Variants in HNRNPK observed in about 807,000 individuals in gnomAD.
HNRNPK encodes heterogeneous nuclear ribonucleoprotein K.
In HNRNPK, 7 loss-of-function variants were observed where a neutral mutation model predicts 67.0. The observed-to-expected ratio is 0.10, with a 90% CI of 0.06 to 0.20. The LOEUF is 0.20. Among genes scored for constraint, HNRNPK ranks in the 10% least tolerant of loss-of-function variants. HNRNPK has a pLI of 1.00. For synonymous variants in HNRNPK, 213 were observed against 193.7 expected, an observed-to-expected ratio of 1.10 and a Z score of -0.83; for missense variants, 264 against 606.5, an observed-to-expected ratio of 0.44 and a Z score of 5.93.
At position 83,970,263 on chromosome 9, in the gene HNRNPK, C is replaced by A. The variant is rs751986467; in HGVS notation, c.1260G>T (p.Ser420=). 7 of 1,613,776 alleles carry A rather than the reference C, an allele frequency of 4.3e-6. No homozygotes were observed. Among genetic ancestry groups the A allele is most frequent in the Admixed American group, 1.7e-5 (1 of 60,008 alleles). Residue 420 remains serine (S), a synonymous_variant, in exon 16 of 17, where the codon TCG becomes TCT. Transcript: ENST00000376263. ...CTTCTAAAGGCTCATCAATTTTGAT[C>A]GAAGCTCCCGACTCATGACGGATTT... ...IKQIRHESGA[S]IKIDEPLEGS...
intron 9 of HNRNPK, among the ~76,000 whole-genome samples, 153 bp downstream of exon 9, chr9:83,973,133 T>C (rs538271548): frequency 6.6e-6 from 1 of 152,318 alleles, no homozygotes; most frequent in Admixed American, 6.5e-5. Context: ...TTTGACAAAA[T>C]AACATGTCTA....
In HNRNPK at chr9:83,980,169, C is replaced by T. The variant is rs1486794932; in HGVS notation, c.-124G>A. The stretch of plus-strand genomic sequence containing the variant: ...GCTCCTCACCGCGCGAGACTGCCGT[C>T]CCTCCGCTGCCGCGCCGCCTCAGCC... On this transcript the variant is annotated 5_prime_UTR_variant, in exon 1 of 17. Coordinates refer to ENST00000376263, the MANE Select transcript of HNRNPK (RefSeq NM_031263.4). 1 of 152,422 alleles carries T rather than the reference C, an allele frequency of 6.6e-6. No homozygotes were observed. Among genetic ancestry groups the T allele is most frequent in the African/African-American group, 2.4e-5 (1 of 41,464 alleles). 9.4% of individuals were successfully genotyped at this position (152,422 alleles called of 1,614,324 possible).
chr9:83,974,228 A>C (rs1456532586), intron 7 of HNRNPK, among the ~76,000 whole-genome samples: 2 of 152,012 alleles, frequency 1.3e-5, no homozygotes, highest in African/African-American at 4.8e-5. Flanking sequence ...CAAATATTCT[A>C]ATTTTAAAAA....
intron 2 of HNRNPK, 40 bp downstream of exon 2, chr9:83,978,333 A>C: frequency 9.4e-6 from 1 of 105,916 alleles, no homozygotes; most frequent in Non-Finnish European, 1.3e-5. Context: ...GCAAGCTGTA[A>C]AAAAAAAAAA....
rs768031967 is a variant in HNRNPK at position 83,970,230 on chromosome 9, T to C, written c.1293A>G (p.Glu431=). 1 of 1,611,562 alleles carries C rather than the reference T, an allele frequency of 6.2e-7. No homozygotes were observed. Among genetic ancestry groups the C allele is most frequent in the South Asian group, 1.1e-5 (1 of 91,028 alleles). The stretch of plus-strand genomic sequence containing the variant: ...TTCCTGTAATGGTAATGATCCGATC[T>C]TCGGATCCTTCTAAAGGCTCATCAA... The part of the protein sequence containing the change: ...IKIDEPLEGS[E]DRIITITGTQ... Residue 431 remains glutamate, a synonymous_variant, in exon 16 of 17, where the codon GAA becomes GAG. Coordinates refer to ENST00000376263, the MANE Select transcript of HNRNPK (RefSeq NM_031263.4).
chr9:83,978,504 A>AT lies in HNRNPK; in HGVS notation c.-107-53dup, dbSNP rs540997221. 252 of 505,628 alleles carry AT rather than the reference A, an allele frequency of 5.0e-4. 3 individuals carry two copies. In the East Asian group the frequency reaches 0.011, roughly 22 times the overall value. 31.3% of individuals were successfully genotyped at this position (505,628 alleles called of 1,614,324 possible). A position where few individuals can be genotyped will look rare whatever the true frequency, so the allele number is the denominator to read the frequency against. On this transcript the variant is annotated intron_variant, in intron 1 of 16. Coordinates refer to ENST00000376263, the MANE Select transcript of HNRNPK (RefSeq NM_031263.4). ...TGCTTTTGTTTATTCTTATTACTGA[A>AT]TATTTGTTTCCGATCACAGTGAATA...
At chr9:83,978,937 C>G (rs1037894811) in intron 1 of HNRNPK, among the ~76,000 whole-genome samples, 74 of 152,262 alleles carry the variant, frequency 4.9e-4, no homozygotes, top group African/African-American at 1.8e-3. Context: ...AACAATCTAC[C>G]GGAGGGATAA....
At chr9:83,977,331 G>A (rs1957115825) in intron 4 of HNRNPK, among the ~76,000 whole-genome samples, 1 of 152,058 alleles carries the variant, frequency 6.6e-6, no homozygotes, top group Admixed American at 6.5e-5. Context: ...GGTAAAATAA[G>A]TCAATTAATT....
chr9:83,970,427 C>G (rs971365613), intron 15 of HNRNPK, 96 bp from the exon 16 acceptor site: 1 of 994,818 alleles, frequency 1.0e-6, no homozygotes, highest in African/African-American at 1.6e-5. Flanking sequence ...TTTATTCATT[C>G]AGAATCTTAA....
At chr9:83,976,719 T>C in intron 5 of HNRNPK, 1 of 294,062 alleles carries the variant, frequency 3.4e-6, no homozygotes, top group Non-Finnish European at 6.2e-6. Context: ...TCGCTATTTC[T>C]AATTAAGATG....
intron 1 of HNRNPK, among the ~76,000 whole-genome samples, 177 bp downstream of exon 1, chr9:83,979,976 C>T (rs1957307214): frequency 6.6e-6 from 1 of 152,198 alleles, no homozygotes; most frequent in African/African-American, 2.4e-5. Flanking sequence ...GACCACAACG[C>T]GGACTGCGGA....
In HNRNPK at chr9:83,971,263, G is replaced by T; in HGVS notation, c.1092+10C>A. On this transcript the variant is annotated intron_variant, in intron 13 of 16. Coordinates refer to ENST00000376263, the MANE Select transcript of HNRNPK (RefSeq NM_031263.4). ...CACTGATATACACACGAACAACTAT[G>T]ATACTCAACCTGTGGTTCATAAGCC... The T allele has an allele frequency of 6.4e-7, 1 of 1,552,008 alleles. No homozygotes were observed. The highest frequency in any genetic ancestry group is 8.9e-7 in the Non-Finnish European group (1 of 1,123,836).
intron 5 of HNRNPK, chr9:83,976,460 T>C (rs1332609352): frequency 6.6e-6 from 1 of 152,288 alleles, no homozygotes; most frequent in Non-Finnish European, 1.5e-5. Context: ...TCATAGGCAT[T>C]GACGAACAGT....
At position 83,972,864 on chromosome 9, in the gene HNRNPK, T is replaced by C. The variant is rs1956916112; in HGVS notation, c.625A>G (p.Ile209Val). 1 of 1,604,788 alleles carries C rather than the reference T, an allele frequency of 6.2e-7. No homozygotes were observed. Among genetic ancestry groups the C allele is most frequent in the African/African-American group, 1.3e-5 (1 of 74,554 alleles). The change falls in exon 10 of 17, where the codon ATC (isoleucine) becomes GTC (valine). Residue 209 changes from isoleucine to valine, a missense_variant. Transcript: ENST00000376263. ...PDRVVECIKI[I>V]LDLISESPIK... ...AGTACCTCAGATATAAGATCAAGGA[T>C]GATCTTTATGCACTCTACAACCCTA...
chr9:83,969,791 T>C (rs767563035), intron 16 of HNRNPK: 11 of 634,010 alleles, frequency 1.7e-5, no homozygotes, highest in African/African-American at 3.5e-5. Flanking sequence ...TGTGATTTGT[T>C]GTCGATTTAG....
rs1254014774 is a variant in HNRNPK, at chr9:83,968,997, G to A, written c.*410C>T. 2 of 293,646 alleles carry A rather than the reference G, an allele frequency of 6.8e-6. No homozygotes were observed. Among genetic ancestry groups the A allele is most frequent in the African/African-American group, 2.2e-5 (1 of 45,808 alleles). The allele number at this position is 293,646 out of a possible 1,614,324, so 18.2% of individuals were successfully genotyped here. A position where few individuals can be genotyped will look rare whatever the true frequency, so the allele number is the denominator to read the frequency against. ...CACACTGCTCTGAACAGATGCCAGG[G>A]ACATGTGGACTATTGTTACTTTTCC... On this transcript the variant is annotated 3_prime_UTR_variant, in exon 17 of 17. Transcript: ENST00000376263.
chr9:83,973,888 G>A lies in HNRNPK; in HGVS notation c.402+14C>T. 6.2e-7 allele frequency: 1 copy of A among 1,603,240 alleles called. No individual in the cohort carries two copies. The highest frequency in any genetic ancestry group is 8.5e-7 in the Non-Finnish European group (1 of 1,170,498). On this transcript the variant is annotated intron_variant, in intron 8 of 16. Transcript: ENST00000376263. ...CTCCATACTTCAGTGGGGTTCAATG[G>A]CACTATGACATACATTTAAGCATTC...
rs575864856 is a variant in HNRNPK, at chr9:83,974,333, CTGTT to C, written c.330+180_330+183del. Among the ~76,000 whole-genome samples, 356 of 144,558 alleles carry C rather than the reference CTGTT, an allele frequency of 2.5e-3. 1 individual carries two copies. The highest frequency in any genetic ancestry group is 8.5e-3 in the African/African-American group (326 of 38,356). 94.8% of individuals were successfully genotyped at this position (144,558 alleles called of 152,430 possible). A position where few individuals can be genotyped will look rare whatever the true frequency, so the allele number is the denominator to read the frequency against. ...CACATTTACTCCAGGAGTGGCCAGC[CTGTT>C]TTTTTTTTTAAAAAAAAAAAAACAA... On this transcript the variant is annotated intron_variant, in intron 7 of 16. Coordinates refer to ENST00000376263, the MANE Select transcript of HNRNPK (RefSeq NM_031263.4).
chr9:83,978,640 A>G (rs950242377), intron 1 of HNRNPK, among the ~76,000 whole-genome samples, 188 bp from the exon 2 acceptor site: 1 of 152,130 alleles, frequency 6.6e-6, no homozygotes, highest in African/African-American at 2.4e-5. Flanking sequence ...GCCTGGTTTC[A>G]TTTTTTGCTA....
Sources: allele counts gnomAD v4.1 joint callset (sites outside exome capture counted in the v4.1 genomes callset), GRCh38; gene constraint gnomAD v4.1.1; transcripts MANE v1.5; gene names NCBI Gene and HGNC (gene_info 2026-07-23, HGNC 2026-07-21).